Variants in PSD3 observed in about 807,000 individuals in gnomAD.
PSD3 encodes PH and SEC7 domain-containing protein 3.
Under a neutral mutation model 105.5 loss-of-function variants are expected in PSD3, and 49 were observed. That is an observed-to-expected ratio of 0.46 (90% CI 0.37 to 0.59). The LOEUF is 0.59. Ranked by LOEUF, PSD3 falls within the 20% of genes least tolerant of loss-of-function variation. The pLI is 0.00. For synonymous variants in PSD3, 557 were observed against 457.8 expected (o/e 1.22, Z -2.77); for missense variants, 1,561 against 1,263.8 (o/e 1.24, Z -3.57).
intron 11 of PSD3, among the ~76,000 whole-genome samples, chr8:18,609,316 G>T (rs1805085362): frequency 6.6e-6 from 1 of 152,204 alleles, no homozygotes; most frequent in South Asian, 2.1e-4. Flanking sequence ...GGTATGTGGG[G>T]ATGAGGTAGT....
chr8:18,559,910 G>GCA (rs1801293338), intron 14 of PSD3, among the ~76,000 whole-genome samples: 1 of 152,152 alleles, frequency 6.6e-6, no homozygotes, highest in Non-Finnish European at 1.5e-5. Context: ...AGCATAAAGG[G>GCA]CTAGTCATTT....
At chr8:18,744,637 T>C (rs927018548) in intron 9 of PSD3, among the ~76,000 whole-genome samples, 1 of 152,238 alleles carries the variant, frequency 6.6e-6, no homozygotes, top group African/African-American at 2.4e-5. Flanking sequence ...GTTGTACAAA[T>C]GGTACAGAGT....
intron 2 of PSD3, among the ~76,000 whole-genome samples, 176 bp downstream of exon 2, chr8:18,935,858 A>G (rs1014164888): frequency 6.6e-6 from 1 of 152,234 alleles, no homozygotes; most frequent in Non-Finnish European, 1.5e-5. Flanking sequence ...ATAGGCCACA[A>G]GAATTACATG....
chr8:18,816,188 A>AT lies in PSD3; in HGVS notation c.1635-11291dup, dbSNP rs1812210351. 3.3e-5 allele frequency among the ~76,000 whole-genome samples: 5 copies of AT among 150,150 alleles called. No homozygotes were observed. In the South Asian group the frequency reaches 1.0e-3, roughly 31 times the overall value. ...ATCAATAAATATTTTGTCTTAACAT[A>AT]TTTTTATGAAGAATTCCAGAATGTT... is the stretch of plus-strand genomic sequence containing the variant. On this transcript the variant is annotated intron_variant, in intron 4 of 15. Coordinates refer to ENST00000327040, the MANE Select transcript of PSD3 (RefSeq NM_015310.4).
intron 8 of PSD3, among the ~76,000 whole-genome samples, chr8:18,771,078 C>T (rs546267510): frequency 6.6e-6 from 1 of 152,332 alleles, no homozygotes; most frequent in South Asian, 2.1e-4. Flanking sequence ...AGCCACTTCT[C>T]TCTGACATCC....
At chr8:18,975,314 AT>A (rs71218914) in intron 1 of PSD3, among the ~76,000 whole-genome samples, 5,181 of 144,082 alleles carry the variant, frequency 0.036, 213 homozygotes, top group African/African-American at 0.13. Context: ...ATTTTCTGAA[AT>A]TTTTTTTTTT....
intron 12 of PSD3, among the ~76,000 whole-genome samples, chr8:18,583,373 G>A (rs1027675815): frequency 6.6e-6 from 1 of 152,170 alleles, no homozygotes; most frequent in African/African-American, 2.4e-5. Flanking sequence ...CAAGGCTGCA[G>A]TGAGCTGAGA....
chr8:18,567,662 A>T (rs1285654479), intron 14 of PSD3, among the ~76,000 whole-genome samples: 1 of 152,148 alleles, frequency 6.6e-6, no homozygotes, highest in Non-Finnish European at 1.5e-5. Context: ...CCTTCTTACT[A>T]CTAGTCTTTC....
At chr8:18,972,285 G>A (rs1824698229) in intron 1 of PSD3, among the ~76,000 whole-genome samples, 1 of 152,118 alleles carries the variant, frequency 6.6e-6, no homozygotes, top group African/African-American at 2.4e-5. Flanking sequence ...TTGATTTTCT[G>A]CAATGATACT....
At chr8:19,061,481 G>A (rs908845002) in intron 1 of PSD3, among the ~76,000 whole-genome samples, 1 of 151,990 alleles carries the variant, frequency 6.6e-6, no homozygotes, top group East Asian at 1.9e-4. Flanking sequence ...TTTGTTTGCT[G>A]GTGAACTTGT....
intron 9 of PSD3, among the ~76,000 whole-genome samples, chr8:18,763,259 A>G (rs1585880773): frequency 6.6e-6 from 1 of 152,240 alleles, no homozygotes; most frequent in South Asian, 2.1e-4. Flanking sequence ...CAGTTTCTAT[A>G]TATGATTATG....
intron 10 of PSD3, among the ~76,000 whole-genome samples, chr8:18,651,289 A>G (rs556664235): frequency 6.6e-6 from 1 of 151,100 alleles, no homozygotes; most frequent in African/African-American, 2.5e-5. Flanking sequence ...TATAAGGTTT[A>G]TAACAGTTAT....
chr8:18,528,643 T>A lies in PSD3; in HGVS notation c.*7100A>T, dbSNP rs944311942. On this transcript the variant is annotated 3_prime_UTR_variant, in exon 16 of 16. Coordinates refer to ENST00000327040, the MANE Select transcript of PSD3 (RefSeq NM_015310.4). ...GTTATCACCACTCTCTGCAGGGCTC[T>A]GGTGTTCAGGACTCAGAGCAGTGAG... The A allele has an allele frequency of 6.6e-6, 1 of 152,524 alleles. No homozygotes were observed. Among genetic ancestry groups the A allele is most frequent in the Non-Finnish European group, 1.5e-5 (1 of 68,072 alleles). The allele number at this position is 152,524 out of a possible 1,614,324, so 9.4% of individuals were successfully genotyped here. A position where few individuals can be genotyped will look rare whatever the true frequency, so the allele number is the denominator to read the frequency against.
At chr8:18,689,028 C>G (rs1339497392) in intron 9 of PSD3, among the ~76,000 whole-genome samples, 2 of 152,216 alleles carry the variant, frequency 1.3e-5, no homozygotes, top group Admixed American at 1.3e-4. Flanking sequence ...CCTTCTGATG[C>G]TTTCTCTAAG....
intron 9 of PSD3, among the ~76,000 whole-genome samples, chr8:18,703,404 C>T (rs1289697260): frequency 3.3e-5 from 5 of 152,122 alleles, no homozygotes; most frequent in South Asian, 2.1e-4. Flanking sequence ...TTTAAGACGT[C>T]GAAATTGAAA....
intron 9 of PSD3, among the ~76,000 whole-genome samples, chr8:18,657,815 G>A (rs972597756): frequency 3.9e-5 from 6 of 152,196 alleles, no homozygotes; most frequent in African/African-American, 1.4e-4. Context: ...TTCTTTAGAT[G>A]CTACTATCAT....
chr8:18,621,263 C>G (rs1806089906), intron 11 of PSD3, among the ~76,000 whole-genome samples: 1 of 152,094 alleles, frequency 6.6e-6, no homozygotes, highest in Non-Finnish European at 1.5e-5. Flanking sequence ...CAAAAATTAG[C>G]CCGGCATGGT....
intron 9 of PSD3, among the ~76,000 whole-genome samples, chr8:18,755,054 AC>A (rs1330339989): frequency 1.3e-5 from 2 of 152,104 alleles, no homozygotes; most frequent in Non-Finnish European, 2.9e-5. Context: ...TCATGATGTG[AC>A]CAGTTACATT....
rs1220770760 is a variant in PSD3 at position 18,804,784 on chromosome 8, T to C, written c.1749A>G (p.Glu583=). ...NLSNGTSSNV[E]AAKRLAKRLY... ...GGCGTTTGGCCAACCTTTTGGCTGC[T>C]TCCACATTGCTGCTGGTACCATTAC... is the stretch of plus-strand genomic sequence containing the variant. Residue 583 remains glutamate (E), a synonymous_variant, in exon 5 of 16, where the codon GAA becomes GAG. Transcript: ENST00000327040. 1 of 1,614,204 alleles carries C rather than the reference T, an allele frequency of 6.2e-7. No individual in the cohort carries two copies. The highest frequency in any genetic ancestry group is 1.7e-5 in the Admixed American group (1 of 60,022).
Sources: allele counts gnomAD v4.1 joint callset (sites outside exome capture counted in the v4.1 genomes callset), GRCh38; gene constraint gnomAD v4.1.1; transcripts MANE v1.5; gene names NCBI Gene and HGNC (gene_info 2026-07-23, HGNC 2026-07-21).